The following TSPAN9 variants were observed in gnomAD, a reference collection of about 807,000 sequenced individuals.
TSPAN9 encodes tetraspanin 9, also known as tetraspanin-9.
Under a neutral mutation model 31.0 loss-of-function variants are expected in TSPAN9, and 16 were observed. The ratio of observed to expected loss-of-function variants is 0.52; its 90% CI spans 0.35 to 0.78. TSPAN9 has a LOEUF of 0.78. TSPAN9 is among the 30% of genes least tolerant of loss of function. The pLI, the probability that TSPAN9 is intolerant of heterozygous loss-of-function variation, is 0.01. For missense variants in TSPAN9, 272 were observed against 312.5 expected (o/e 0.87, Z 0.98); for synonymous variants, 145 against 121.6 (o/e 1.19, Z -1.27).
intron 3 of TSPAN9, among the ~76,000 whole-genome samples, chr12:3,240,520 G>A (rs758157330): frequency 3.3e-5 from 5 of 152,158 alleles, no homozygotes; most frequent in Non-Finnish European, 1.5e-5. Context: ...TGACGTGCTC[G>A]AGCTCACACA....
At chr12:3,178,840 G>T (rs1220025811) in intron 2 of TSPAN9, among the ~76,000 whole-genome samples, 1 of 152,192 alleles carries the variant, frequency 6.6e-6, no homozygotes, top group Non-Finnish European at 1.5e-5. Flanking sequence ...GGGTCAGGCA[G>T]GTTAGCTTTC....
At chr12:3,171,609 AC>A (rs1242894642) in intron 2 of TSPAN9, 1 of 152,142 alleles carries the variant, frequency 6.6e-6, no homozygotes, top group Admixed American at 6.5e-5. Flanking sequence ...AACCCCCTTT[AC>A]CCAGCACAGA....
At chr12:3,228,614 C>T (rs769881009) in intron 3 of TSPAN9, among the ~76,000 whole-genome samples, 2 of 152,258 alleles carry the variant, frequency 1.3e-5, no homozygotes, top group Admixed American at 6.5e-5. Context: ...GTGCTGAGCC[C>T]TGTGCTGCCT....
At chr12:3,103,608 C>A (rs989675741) in intron 2 of TSPAN9, among the ~76,000 whole-genome samples, 7 of 146,948 alleles carry the variant, frequency 4.8e-5, no homozygotes, top group African/African-American at 1.9e-4. Context: ...CCATGCCATG[C>A]ACGAACATGT....
At chr12:3,270,127 G>A (rs1400998252) in intron 3 of TSPAN9, among the ~76,000 whole-genome samples, 3 of 152,200 alleles carry the variant, frequency 2.0e-5, no homozygotes, top group Non-Finnish European at 4.4e-5. Flanking sequence ...CCCCTAGGAG[G>A]TTCTGAACAT....
intron 2 of TSPAN9, among the ~76,000 whole-genome samples, chr12:3,189,263 G>A (rs2098363096): frequency 6.6e-6 from 1 of 152,208 alleles, no homozygotes; most frequent in South Asian, 2.1e-4. Context: ...ACAGGGGTGG[G>A]CTGCACCTTG....
chr12:3,092,763 C>T (rs993670934), intron 2 of TSPAN9, among the ~76,000 whole-genome samples: 4 of 152,248 alleles, frequency 2.6e-5, no homozygotes, highest in African/African-American at 7.2e-5. Context: ...AAGGATGGTC[C>T]TTCCCTGAGG....
chr12:3,098,572 T>A (rs1201874187), intron 2 of TSPAN9, among the ~76,000 whole-genome samples: 1 of 152,160 alleles, frequency 6.6e-6, no homozygotes, highest in Non-Finnish European at 1.5e-5. Context: ...TGACATCTGC[T>A]CCCATCCAGC....
At chr12:3,173,831 T>A (rs2098353502) in intron 2 of TSPAN9, 1 of 152,248 alleles carries the variant, frequency 6.6e-6, no homozygotes, top group African/African-American at 2.4e-5. Flanking sequence ...CTCCTTTCTG[T>A]CTTCCTCCCT....
chr12:3,186,988 C>A (rs2098361774), intron 2 of TSPAN9, among the ~76,000 whole-genome samples: 1 of 152,176 alleles, frequency 6.6e-6, no homozygotes, highest in African/African-American at 2.4e-5. Context: ...CTGCCAGTAG[C>A]TTGAAATTGG....
intron 3 of TSPAN9, among the ~76,000 whole-genome samples, chr12:3,219,110 G>A (rs538294286): frequency 2.5e-4 from 38 of 152,338 alleles, no homozygotes; most frequent in Admixed American, 1.5e-3. Context: ...GTGGGCGGCC[G>A]GGGGAGGCCG....
At chr12:3,250,027 A>G (rs1862218452) in intron 3 of TSPAN9, among the ~76,000 whole-genome samples, 1 of 152,174 alleles carries the variant, frequency 6.6e-6, no homozygotes, top group Non-Finnish European at 1.5e-5. Flanking sequence ...AGGACTACCC[A>G]TGCTGGGTCA....
At chr12:3,133,139 G>A (rs1336020173) in intron 2 of TSPAN9, among the ~76,000 whole-genome samples, 4 of 152,152 alleles carry the variant, frequency 2.6e-5, no homozygotes, top group African/African-American at 9.7e-5. Flanking sequence ...ATGAGCAGAT[G>A]CGTGAGGTAT....
intron 2 of TSPAN9, among the ~76,000 whole-genome samples, chr12:3,146,505 C>G (rs967073758): frequency 2.0e-5 from 3 of 152,234 alleles, no homozygotes; most frequent in Non-Finnish European, 4.4e-5. Flanking sequence ...CAGACAAGGT[C>G]CTTGCTTTCA....
Position 3,147,885 on chromosome 12 carries a change from G to C in TSPAN9, c.-17-53292G>C, listed in dbSNP as rs1024446666. On this transcript the variant is annotated intron_variant, in intron 2 of 8. Transcript: ENST00000011898. This position sits in a 1 kb window ranked among gnomAD's most constrained non-coding sequence, Gnocchi z 4.3. ...TAAGAGATTACTAAGCTGTGTGAGT[G>C]GTGTACACATATGTGGAGTCGGGTG... 1.3e-5 allele frequency among the ~76,000 whole-genome samples: 2 copies of C among 152,150 alleles called. No individual in the cohort carries two copies. Among genetic ancestry groups the C allele is most frequent in the African/African-American group, 4.8e-5 (2 of 41,424 alleles).
intron 3 of TSPAN9, among the ~76,000 whole-genome samples, chr12:3,276,027 C>G (rs1378591084): frequency 6.6e-6 from 1 of 152,206 alleles, no homozygotes; most frequent in East Asian, 1.9e-4. Flanking sequence ...CCGTAGCCTC[C>G]TGGTATGAGT....
intron 2 of TSPAN9, among the ~76,000 whole-genome samples, chr12:3,121,155 G>T (rs556062679): frequency 3.3e-5 from 5 of 152,276 alleles, no homozygotes; most frequent in African/African-American, 1.2e-4. Context: ...GTGTCAGGCG[G>T]TGTGAAATGC....
In TSPAN9 at chr12:3,107,621, T is replaced by C. The variant is rs994601386; in HGVS notation, c.-18+23902T>C. Among the ~76,000 whole-genome samples the C allele has an allele frequency of 6.6e-6, 1 of 152,214 alleles. No homozygotes were observed. The highest frequency in any genetic ancestry group is 2.4e-5 in the African/African-American group (1 of 41,440). The stretch of plus-strand genomic sequence containing the variant: ...TCTGTTTGGGGCACTGGCTTCGTGG[T>C]GGCCTCTTCCCTGTGGGACTGCCAA... On this transcript the variant is annotated intron_variant, in intron 2 of 8. Transcript: ENST00000011898. This position sits in a 1 kb window ranked among gnomAD's most constrained non-coding sequence, Gnocchi z 4.1.
chr12:3,267,150 A>T (rs111372123), intron 3 of TSPAN9, among the ~76,000 whole-genome samples: 2,128 of 152,268 alleles, frequency 0.014, 55 homozygotes, highest in African/African-American at 0.049. Context: ...GGGAGAATGG[A>T]GCCCCCAGCC....
Sources: allele counts gnomAD v4.1 joint callset (sites outside exome capture counted in the v4.1 genomes callset), GRCh38; gene constraint gnomAD v4.1.1; non-coding constraint Gnocchi (gnomAD v3.1); transcripts MANE v1.5; gene names NCBI Gene and HGNC (gene_info 2026-07-23, HGNC 2026-07-21).